Variants in ZNF804A observed in about 807,000 individuals in gnomAD.
ZNF804A encodes zinc finger protein 804A.
ZNF804A carries 2 observed loss-of-function variants against 16.5 expected under a neutral mutation model. The ratio of observed to expected loss-of-function variants is 0.12; its 90% confidence interval spans 0.05 to 0.38. The LOEUF (loss-of-function observed/expected upper bound fraction) is 0.38, where lower values mean the gene tolerates loss of function less well. ZNF804A is among the 10% of genes least tolerant of loss of function. The pLI is 0.99. For synonymous variants in ZNF804A, 534 were observed against 489.6 expected, an observed-to-expected ratio of 1.09 and a Z score of -1.20; for missense variants, 1,473 against 1,390.7, an observed-to-expected ratio of 1.06 and a Z score of -0.94.
chr2:184,903,026 A>G (rs17431722), intron 2 of ZNF804A, among the ~76,000 whole-genome samples: 3,845 of 152,318 alleles, frequency 0.025, 72 homozygotes, highest in South Asian at 0.069. Context: ...ACAATACAGC[A>G]GGAACCATGT....
At chr2:184,825,858 T>A (rs954518383) in intron 1 of ZNF804A, among the ~76,000 whole-genome samples, 10 of 152,034 alleles carry the variant, frequency 6.6e-5, no homozygotes, top group Non-Finnish European at 1.3e-4. Flanking sequence ...TTTATTTTTT[T>A]AATTTAATTT....
chr2:184,931,444 C>T (rs1048468275), intron 2 of ZNF804A, among the ~76,000 whole-genome samples: 9 of 152,220 alleles, frequency 5.9e-5, no homozygotes, highest in African/African-American at 1.2e-4. Context: ...GGCTCAACAC[C>T]ATGTGTAAGC....
At chr2:184,796,857 A>T (rs1386596294) in intron 1 of ZNF804A, among the ~76,000 whole-genome samples, 1 of 151,690 alleles carries the variant, frequency 6.6e-6, no homozygotes, top group African/African-American at 2.4e-5. Context: ...AGAATTATTT[A>T]ATTTCTATCT....
intron 1 of ZNF804A, among the ~76,000 whole-genome samples, chr2:184,713,340 T>A (rs13033338): frequency 6.6e-6 from 1 of 151,940 alleles, no homozygotes; most frequent in Admixed American, 6.6e-5. Flanking sequence ...GTTCCCTCTG[T>A]TATGTTATAT....
At chr2:184,629,564 A>C (rs1691570836) in intron 1 of ZNF804A, among the ~76,000 whole-genome samples, 1 of 152,204 alleles carries the variant, frequency 6.6e-6, no homozygotes, top group Admixed American at 6.5e-5. Context: ...AGTTAATACA[A>C]ATATACAATA....
chr2:184,641,864 A>C (rs1691801337), intron 1 of ZNF804A, among the ~76,000 whole-genome samples: 1 of 152,198 alleles, frequency 6.6e-6, no homozygotes, highest in Admixed American at 6.5e-5. Context: ...GACTATCTGG[A>C]GTTAGAAAAC....
At chr2:184,798,006 ATGTGTGTGTGTGTGTG>A (rs58199746) in intron 1 of ZNF804A, among the ~76,000 whole-genome samples, 74 of 133,338 alleles carry the variant, frequency 5.5e-4, no homozygotes, top group African/African-American at 1.7e-3. Context: ...TGGCTGATAT[ATGTGTGTGTGTGTGTG>A]TGTGTGTGTG....
intron 2 of ZNF804A, among the ~76,000 whole-genome samples, chr2:184,917,015 A>G (rs1685459575): frequency 6.6e-6 from 1 of 152,162 alleles, no homozygotes. Context: ...CATATTATGG[A>G]GGGTAATCTA....
chr2:184,808,155 A>G (rs1245112353), intron 1 of ZNF804A, among the ~76,000 whole-genome samples: 1 of 151,614 alleles, frequency 6.6e-6, no homozygotes, highest in Non-Finnish European at 1.5e-5. Flanking sequence ...TTATTTACAC[A>G]TTACAGAAAG....
chr2:184,667,533 G>A (rs1003143872), intron 1 of ZNF804A, among the ~76,000 whole-genome samples: 2 of 151,774 alleles, frequency 1.3e-5, no homozygotes, highest in African/African-American at 2.4e-5. Context: ...GAAGCAATGT[G>A]AATATAATTA....
intron 1 of ZNF804A, among the ~76,000 whole-genome samples, chr2:184,710,401 A>G (rs1693106881): frequency 1.3e-5 from 2 of 151,608 alleles, no homozygotes; most frequent in South Asian, 4.1e-4. Flanking sequence ...TAAAGAATTT[A>G]TACCATATAT....
intron 1 of ZNF804A, among the ~76,000 whole-genome samples, chr2:184,858,237 C>T (rs1695735361): frequency 6.6e-6 from 1 of 152,018 alleles, no homozygotes; most frequent in Admixed American, 6.6e-5. Context: ...GGTGCAGTGG[C>T]TCACACCTGT....
chr2:184,679,700 C>T (rs570328002), intron 1 of ZNF804A, among the ~76,000 whole-genome samples: 59 of 152,270 alleles, frequency 3.9e-4, no homozygotes, highest in African/African-American at 1.3e-3. Flanking sequence ...GACATGACAG[C>T]TCCCTATTGT....
chr2:184,728,429 A>G (rs542894786), intron 1 of ZNF804A, among the ~76,000 whole-genome samples: 1 of 151,976 alleles, frequency 6.6e-6, no homozygotes, highest in African/African-American at 2.4e-5. Context: ...GATAATTTGT[A>G]TTATTACTTC....
chr2:184,753,231 A>G (rs1461913398), intron 1 of ZNF804A, among the ~76,000 whole-genome samples: 2 of 151,652 alleles, frequency 1.3e-5, no homozygotes, highest in Non-Finnish European at 2.9e-5. Context: ...TTAAAAATTG[A>G]TAATAATTAT....
chr2:184,628,092 A>G (rs1035553397), intron 1 of ZNF804A, among the ~76,000 whole-genome samples: 23 of 152,148 alleles, frequency 1.5e-4, no homozygotes, highest in Admixed American at 1.4e-3. Context: ...AGGCGGGCGG[A>G]TCACCTCAGG....
intron 1 of ZNF804A, among the ~76,000 whole-genome samples, chr2:184,779,142 G>A (rs1402176428): frequency 6.6e-6 from 1 of 151,548 alleles, no homozygotes; most frequent in African/African-American, 2.4e-5. Context: ...TTGTGGTTCT[G>A]AGGTCACTAG....
At chr2:184,856,362 A>T (rs1035402726) in intron 1 of ZNF804A, among the ~76,000 whole-genome samples, 6 of 151,984 alleles carry the variant, frequency 3.9e-5, no homozygotes, top group Admixed American at 1.3e-4. Context: ...AAAAAAAAAA[A>T]TGATGTACAG....
intron 1 of ZNF804A, among the ~76,000 whole-genome samples, chr2:184,628,817 CA>C (rs1691552997): frequency 6.6e-6 from 1 of 152,030 alleles, no homozygotes; most frequent in Non-Finnish European, 1.5e-5. Flanking sequence ...TCAAATTTAT[CA>C]AGTAATAAAT....
Sources: gnomAD v4.1 joint callset for allele counts (sites outside exome capture counted in the v4.1 genomes callset) on GRCh38, gnomAD v4.1.1 for gene constraint, MANE v1.5 for transcripts, NCBI Gene and HGNC (gene_info 2026-07-23, HGNC 2026-07-21) for gene names.